Variants in BPIFC observed in about 807,000 individuals in gnomAD.
The protein encoded by BPIFC is BPI fold containing family C.
In BPIFC, 60 loss-of-function variants were observed where a neutral mutation model predicts 57.6. That is an observed-to-expected ratio of 1.04 (90% confidence interval 0.85 to 1.29). The LOEUF is 1.29. Ranked by LOEUF, BPIFC falls within the 50% of genes most tolerant of loss-of-function variation. The pLI, the probability that BPIFC is intolerant of heterozygous loss-of-function variation, is 0.00. For missense variants in BPIFC, 581 were observed against 600.5 expected, an observed-to-expected ratio of 0.97 and a Z score of 0.34; for synonymous variants, 243 against 224.5, an observed-to-expected ratio of 1.08 and a Z score of -0.74.
chr22:32,435,762 G>T lies in BPIFC; in HGVS notation c.866C>A (p.Ser289Tyr). Residue 289 changes from serine to tyrosine, a missense_variant, in exon 10 of 17, where the codon TCT becomes TAT. Transcript: ENST00000300399. ...AGCTGTGAAATGAGCAAAGGACGCA[G>T]ATTTAAAGAAATACTCGGCGATTCC... ...YIGIAEYFFK[S>Y]ASFAHFTAGV... 1 of 1,614,192 alleles carries T rather than the reference G, an allele frequency of 6.2e-7. No homozygotes were observed.
intron 13 of BPIFC, among the ~76,000 whole-genome samples, chr22:32,428,207 T>C (rs1165322596): frequency 6.6e-6 from 1 of 152,130 alleles, no homozygotes; most frequent in Non-Finnish European, 1.5e-5. Flanking sequence ...CAAGTCTAAA[T>C]TGTATTCATT....
Position 32,437,932 on chromosome 22 carries a change from A to C in BPIFC, c.656-81T>G, listed in dbSNP as rs192454598. 6.8e-5 allele frequency: 51 copies of C among 744,884 alleles called. No individual in the cohort carries two copies. The East Asian group carries it at 1.4e-3, about 21-fold the overall frequency. 46.1% of individuals were successfully genotyped at this position (744,884 alleles called of 1,614,324 possible). On this transcript the variant is annotated intron_variant, in intron 8 of 16. Coordinates refer to ENST00000300399, the MANE Select transcript of BPIFC (RefSeq NM_174932.3). ...TATATGAATGATGTCTATCTAGAACAATATAATTTTAAATTCTCTGTTTAA... is the reference window on the plus strand; with the variant it reads ...TATATGAATGATGTCTATCTAGAACCATATAATTTTAAATTCTCTGTTTAA...
rs1253408972 is a variant in BPIFC, at chr22:32,435,358, AT to A, written c.924+345del. On this transcript the variant is annotated intron_variant, in intron 10 of 16. Coordinates refer to ENST00000300399, the MANE Select transcript of BPIFC (RefSeq NM_174932.3). ...ATTCAAAGTGCCCCAAAATCCAACT[AT>A]TAAATGCTGACATGATACACAACGG... Among the ~76,000 whole-genome samples, 17 of 152,322 alleles carry A rather than the reference AT, an allele frequency of 1.1e-4. No individual in the cohort carries two copies. In the South Asian group the frequency reaches 1.4e-3, roughly 13 times the overall value.
chr22:32,437,717 C>G (rs1422445123), intron 9 of BPIFC, 43 bp downstream of exon 9: 2 of 1,378,404 alleles, frequency 1.5e-6, no homozygotes, highest in Non-Finnish European at 2.1e-6. Flanking sequence ...TAAATATTGG[C>G]TGTTGACAGC....
At chr22:32,420,445 C>G (rs1183610226) in intron 13 of BPIFC, among the ~76,000 whole-genome samples, 1 of 152,148 alleles carries the variant, frequency 6.6e-6, no homozygotes, top group African/African-American at 2.4e-5. Context: ...TAGGCCACAC[C>G]CATCAGAAAG....
At chr22:32,422,849 C>A (rs1457791647) in intron 13 of BPIFC, among the ~76,000 whole-genome samples, 2 of 152,114 alleles carry the variant, frequency 1.3e-5, no homozygotes, top group African/African-American at 4.8e-5. Context: ...TGAGAGAAGA[C>A]TCTGTACACA....
At chr22:32,415,833 A>T (rs911532945) in intron 16 of BPIFC, 82 bp downstream of exon 16, 5 of 996,748 alleles carry the variant, frequency 5.0e-6, no homozygotes, top group Non-Finnish European at 7.0e-6. Flanking sequence ...AACAACAACA[A>T]CAAAAACAAG....
At chr22:32,425,853 C>T (rs1934053144) in intron 13 of BPIFC, among the ~76,000 whole-genome samples, 1 of 152,138 alleles carries the variant, frequency 6.6e-6, no homozygotes, top group Non-Finnish European at 1.5e-5. Context: ...TGAATGGCAA[C>T]CACACACTTT....
chr22:32,439,529 T>C (rs975645158), intron 8 of BPIFC, among the ~76,000 whole-genome samples: 12 of 152,110 alleles, frequency 7.9e-5, no homozygotes, highest in Admixed American at 5.9e-4. Context: ...ATGTCATAGA[T>C]GGAGATGAAA....
At chr22:32,439,261 G>T (rs760005099) in intron 8 of BPIFC, among the ~76,000 whole-genome samples, 14 of 152,078 alleles carry the variant, frequency 9.2e-5, no homozygotes, top group Non-Finnish European at 1.8e-4. Context: ...GGAGGCGCAG[G>T]TTGCGGTGAG....
chr22:32,442,569 A>G (rs1934594326), intron 8 of BPIFC, 102 bp downstream of exon 8: 1 of 1,175,014 alleles, frequency 8.5e-7, no homozygotes, highest in African/African-American at 1.5e-5. Flanking sequence ...ATGAAGCAGG[A>G]TGGATAGCTC....
intron 3 of BPIFC, among the ~76,000 whole-genome samples, chr22:32,455,910 T>C (rs1480731305): frequency 6.6e-6 from 1 of 152,236 alleles, no homozygotes; most frequent in Non-Finnish European, 1.5e-5. Context: ...GCCCATGCTA[T>C]ATTTCCTGTG....
At chr22:32,455,792 G>T (rs1224143398) in intron 3 of BPIFC, among the ~76,000 whole-genome samples, 5 of 152,190 alleles carry the variant, frequency 3.3e-5, no homozygotes, top group Non-Finnish European at 5.9e-5. Context: ...TTGTAGGGTT[G>T]TTGGTGGAAT....
rs1437521073 is a variant in BPIFC, at chr22:32,440,962, T to G, written c.655+1709A>C. 3.9e-5 allele frequency among the ~76,000 whole-genome samples: 6 copies of G among 152,250 alleles called. No individual in the cohort carries two copies. The Middle Eastern group carries it at 0.014, about 345-fold the overall frequency. On this transcript the variant is annotated intron_variant, in intron 8 of 16. Coordinates refer to ENST00000300399, the MANE Select transcript of BPIFC (RefSeq NM_174932.3). ...CGATCTCCTTAAACTGTAAGTTAAG[T>G]CATGCCGGCCTTACTCTTCAAAGGC...
chr22:32,445,896 G>A lies in BPIFC; in HGVS notation c.475C>T (p.Gln159Ter). Residue 159 changes from glutamine to a stop codon, truncating the protein, a stop_gained, in exon 6 of 17, where the codon CAA becomes TAA. Coordinates refer to ENST00000300399, the MANE Select transcript of BPIFC (RefSeq NM_174932.3). LOFTEE classifies it high-confidence loss of function. ...NDFGHPTLKL[Q>*]DCYAQLSHAH... ...TGGCTCAGTTGGGCGTAGCAATCTT[G>A]GAGCTTCAGGGTAGGATGACCAAAG... 6.2e-7 allele frequency: 1 copy of A among 1,614,046 alleles called. No homozygotes were observed. Among genetic ancestry groups the A allele is most frequent in the Non-Finnish European group, 8.5e-7 (1 of 1,180,020 alleles).
chr22:32,414,465 G>C (rs1330639054), intron 16 of BPIFC, 40 bp from the exon 17 acceptor site: 1 of 1,607,140 alleles, frequency 6.2e-7, no homozygotes. Context: ...TCAAAACTTG[G>C]GCATGTCTGG....
chr22:32,438,817 CTT>C (rs548028434), intron 8 of BPIFC, among the ~76,000 whole-genome samples: 21,541 of 146,968 alleles, frequency 0.15, 2,817 homozygotes, highest in African/African-American at 0.36. Flanking sequence ...GCAGTTAGAA[CTT>C]TTTTTTTTTT....
chr22:32,463,272 A>C (rs928292035), intron 1 of BPIFC, among the ~76,000 whole-genome samples: 2 of 152,176 alleles, frequency 1.3e-5, no homozygotes, highest in Non-Finnish European at 2.9e-5. Flanking sequence ...AGGTTAAGTA[A>C]TTTGGCTGAC....
intron 13 of BPIFC, among the ~76,000 whole-genome samples, chr22:32,425,034 G>A (rs1356324125): frequency 6.6e-6 from 1 of 151,930 alleles, no homozygotes; most frequent in Non-Finnish European, 1.5e-5. Context: ...CACCTGCCTC[G>A]GCCTCCCAAA....
Sources: gnomAD v4.1 joint callset for allele counts (sites outside exome capture counted in the v4.1 genomes callset) on GRCh38, gnomAD v4.1.1 for gene constraint, MANE v1.5 for transcripts, NCBI Gene and HGNC (gene_info 2026-07-23, HGNC 2026-07-21) for gene names.